CEP164: variants seen among roughly 807,000 people sequenced by gnomAD.
The protein encoded by CEP164 is centrosomal protein 164.
Under a neutral mutation model 182.7 loss-of-function variants are expected in CEP164, and 162 were observed. That is an observed-to-expected ratio of 0.89 (90% CI 0.78 to 1.01). The LOEUF is 1.01. CEP164 is among the 50% of genes least tolerant of loss of function. The pLI is 0.00. For synonymous variants in CEP164, 661 were observed against 690.0 expected (o/e 0.96, Z 0.66); for missense variants, 1,735 against 1,790.4 (o/e 0.97, Z 0.56).
chr11:117,366,928 C>T (rs1449812809), intron 8 of CEP164, among the ~76,000 whole-genome samples: 6 of 152,184 alleles, frequency 3.9e-5, no homozygotes, highest in Admixed American at 3.3e-4. Flanking sequence ...CTCTCTCCTC[C>T]TGCAGATGGT....
intron 1 of CEP164, 55 bp downstream of exon 1, chr11:117,327,959 G>C (rs2134559796): frequency 6.6e-6 from 1 of 152,514 alleles, no homozygotes. Context: ...CTCGCCCGGA[G>C]CCTCGCCCGG....
rs908666376 is a variant in CEP164, at chr11:117,355,734, T to C, written c.393+3746T>C. 2.6e-6 allele frequency: 3 copies of C among 1,151,288 alleles called. No individual in the cohort carries two copies. The Admixed American group carries it at 1.1e-4, about 44-fold the overall frequency. The allele number at this position is 1,151,288 out of a possible 1,614,324, so 71.3% of individuals were successfully genotyped here. A position where few individuals can be genotyped will look rare whatever the true frequency, so the allele number is the denominator to read the frequency against. On this transcript the variant is annotated intron_variant, in intron 5 of 32. Coordinates refer to ENST00000278935, the MANE Select transcript of CEP164 (RefSeq NM_014956.5). Reference sequence around the variant, plus strand: ...CCTCCTGGACTGTGGATGGAACAGGTCTCCAAGCTTGTCAATAAGGATATC... The same window carrying C: ...CCTCCTGGACTGTGGATGGAACAGGCCTCCAAGCTTGTCAATAAGGATATC...
chr11:117,351,827 G>C lies in CEP164; in HGVS notation c.232G>C (p.Ala78Pro). ...AGGTGACATTTACTATTTCAACTTC[G>C]CCAACGGGCAGTCTATGTGGGACCA... Reference protein sequence around the residue: ...ITGDIYYFNFANGQSMWDHPC... With the variant: ...ITGDIYYFNFPNGQSMWDHPC... The change falls in exon 5 of 33, where the codon GCC becomes CCC. Residue 78 changes from alanine (A) to proline (P), a missense_variant. By Grantham distance (27) the Ala-to-Pro change is conservative. Transcript: ENST00000278935. 6.2e-7 allele frequency: 1 copy of C among 1,612,680 alleles called. No individual in the cohort carries two copies.
In CEP164 at chr11:117,409,801, C is replaced by A. The variant is rs61743854; in HGVS notation, c.3932C>A (p.Thr1311Asn). The change falls in exon 30 of 33, where the codon ACC becomes AAC. Residue 1311 changes from threonine (T) to asparagine (N), a missense_variant. Thr to Asn is a moderately conservative substitution (Grantham distance 65). Transcript: ENST00000278935. The surrounding 1 kb of genome is among the most constrained non-coding windows in gnomAD (Gnocchi z 4.4). ...LPPRDPKSTP[T>N]PTYYGSLARF... ...CCCCGGGACCCTAAGAGCACCCCCA[C>A]CCCCACCTACTATGGCTCCCTGGCC... 6.2e-7 allele frequency: 1 copy of A among 1,610,976 alleles called. No homozygotes were observed. The highest frequency in any genetic ancestry group is 1.4e-5 in the African/African-American group (1 of 73,974).
rs778483846 is a variant in CEP164, at chr11:117,391,118, T to C, written c.2186T>C (p.Ile729Thr). The C allele has an allele frequency of 5.0e-6, 8 of 1,613,772 alleles. No homozygotes were observed. The highest frequency in any genetic ancestry group is 1.7e-5 in the Admixed American group (1 of 59,992). Residue 729 changes from isoleucine to threonine, a missense_variant, in exon 17 of 33, where the codon ATA becomes ACA. By Grantham distance (89) the Ile-to-Thr change is moderately conservative. Coordinates refer to ENST00000278935, the MANE Select transcript of CEP164 (RefSeq NM_014956.5). ...RQMLEQLKEE[I>T]EASEKSEQAA... is the part of the protein sequence containing the mutation. ...ATGCTGGAGCAGCTCAAGGAAGAGA[T>C]AGAGGCTTCGGAGAAGAGCGAGCAG...
At chr11:117,393,199 GCA>G (rs945462851) in intron 20 of CEP164, 73 bp downstream of exon 20, 9 of 1,560,260 alleles carry the variant, frequency 5.8e-6, no homozygotes, top group African/African-American at 2.7e-5. Context: ...ACACACACAT[GCA>G]CACACACATG....
chr11:117,381,409 A>G (rs2043301787), intron 12 of CEP164, among the ~76,000 whole-genome samples: 1 of 152,052 alleles, frequency 6.6e-6, no homozygotes, highest in Non-Finnish European at 1.5e-5. Context: ...GGGGATGGGT[A>G]TACTTGTGAG....
chr11:117,353,989 ACTTTT>A (rs886301534), intron 5 of CEP164, among the ~76,000 whole-genome samples: 21 of 138,994 alleles, frequency 1.5e-4, no homozygotes, highest in African/African-American at 5.8e-4. Flanking sequence ...AGGTTGGTGG[ACTTTT>A]CTTCTTCTCC....
intron 27 of CEP164, among the ~76,000 whole-genome samples, chr11:117,404,170 A>G (rs557789798): frequency 8.9e-4 from 135 of 152,206 alleles, no homozygotes; most frequent in Non-Finnish European, 1.5e-3. Flanking sequence ...CGTCAAACTC[A>G]TTCTCCATCC....
chr11:117,387,476 C>T (rs1424839698), intron 15 of CEP164, 64 bp downstream of exon 15: 3 of 1,517,222 alleles, frequency 2.0e-6, no homozygotes, highest in Non-Finnish European at 2.7e-6. Context: ...GCCAGGGACA[C>T]CCTCTTAGCC....
At chr11:117,384,113 G>T (rs1428893771) in intron 14 of CEP164, among the ~76,000 whole-genome samples, 4 of 152,186 alleles carry the variant, frequency 2.6e-5, no homozygotes, top group African/African-American at 9.7e-5. Context: ...CCTTTTCTCT[G>T]CATAGAGAAA....
chr11:117,412,211 C>T lies in CEP164; in HGVS notation c.*43C>T. ...TGGGGCAGCCCAGCCTCTCCTCCAC[C>T]CAGACCAAGTGCCTGAGGAGCTGCC... On this transcript the variant is annotated 3_prime_UTR_variant, in exon 33 of 33. Coordinates refer to ENST00000278935, the MANE Select transcript of CEP164 (RefSeq NM_014956.5). 4 of 1,557,420 alleles carry T rather than the reference C, an allele frequency of 2.6e-6. No individual in the cohort carries two copies. Among genetic ancestry groups the T allele is most frequent in the Non-Finnish European group, 3.5e-6 (4 of 1,137,908 alleles).
rs142372728 is a variant in CEP164 at position 117,338,690 on chromosome 11, C to T, written c.82+22C>T. The T allele has an allele frequency of 6.9e-4, 1,072 of 1,562,364 alleles. 3 individuals are homozygous for T. In the African/African-American group the frequency reaches 0.013, roughly 19 times the overall value. On this transcript the variant is annotated intron_variant, in intron 3 of 32. Transcript: ENST00000278935. ...CAAGGTAACAAGTCTGTGAAGAGGC[C>T]TGTGGTGTATTGTGTTTGTTTTTTG... is the stretch of plus-strand genomic sequence containing the variant.
At chr11:117,400,470 C>A (rs2046001112) in intron 27 of CEP164, among the ~76,000 whole-genome samples, 1 of 152,118 alleles carries the variant, frequency 6.6e-6, no homozygotes. Context: ...GCTATACAGG[C>A]TCTTTTTTGG....
intron 14 of CEP164, chr11:117,386,349 T>G (rs915508994): frequency 1.3e-5 from 2 of 152,266 alleles, no homozygotes; most frequent in Non-Finnish European, 2.9e-5. Context: ...GTTCTCAGGA[T>G]TCCTCTTTGG....
intron 2 of CEP164, 105 bp from the exon 3 acceptor site, chr11:117,338,461 G>T: frequency 1.3e-6 from 1 of 795,498 alleles, no homozygotes; most frequent in Non-Finnish European, 2.1e-6. Flanking sequence ...AAATTGCTCT[G>T]CAGGGTCTGG....
chr11:117,384,405 A>G (rs1208540393), intron 14 of CEP164, among the ~76,000 whole-genome samples: 1 of 152,150 alleles, frequency 6.6e-6, no homozygotes, highest in African/African-American at 2.4e-5. Context: ...CTTTCCTGTC[A>G]CCTTGGTGGC....
upstream of CEP164, among the ~76,000 whole-genome samples, chr11:117,323,103 G>A (rs1354779519): frequency 2.0e-5 from 3 of 151,988 alleles, no homozygotes; most frequent in East Asian, 1.9e-4. Flanking sequence ...GTTTCTCCAC[G>A]TTGGCCAGGC....
intron 27 of CEP164, among the ~76,000 whole-genome samples, chr11:117,403,208 A>G (rs1020838448): frequency 2.0e-5 from 3 of 152,208 alleles, no homozygotes; most frequent in Non-Finnish European, 4.4e-5. Context: ...TGATCCTGTC[A>G]TTATGATGCT....
Sources: allele counts gnomAD v4.1 joint callset (sites outside exome capture counted in the v4.1 genomes callset), GRCh38; gene constraint gnomAD v4.1.1; non-coding constraint Gnocchi (gnomAD v3.1); transcripts MANE v1.5; gene names NCBI Gene and HGNC (gene_info 2026-07-23, HGNC 2026-07-21).